Variants in GRM7 observed in about 807,000 individuals in gnomAD.
GRM7 encodes glutamate metabotropic receptor 7, also known as metabotropic glutamate receptor 7.
GRM7 carries 35 observed loss-of-function variants against 84.5 expected under a neutral mutation model. The ratio of observed to expected loss-of-function variants is 0.41; its 90% CI spans 0.32 to 0.55. The LOEUF (loss-of-function observed/expected upper bound fraction) is 0.55. Ranked by LOEUF, GRM7 falls within the 20% of genes least tolerant of loss-of-function variation. The pLI, the probability that GRM7 is intolerant of heterozygous loss-of-function variation, is 0.19. For missense variants in GRM7, 1,003 were observed against 1,194.6 expected, an observed-to-expected ratio of 0.84 and a Z score of 2.36; for synonymous variants, 487 against 455.1, an observed-to-expected ratio of 1.07 and a Z score of -0.89.
At chr3:7,148,187 A>G (rs548978439) in intron 2 of GRM7, among the ~76,000 whole-genome samples, 20 of 152,178 alleles carry the variant, frequency 1.3e-4, no homozygotes, top group Non-Finnish European at 2.4e-4. Context: ...GTATCTAATC[A>G]TTTTTGATGA....
intron 5 of GRM7, among the ~76,000 whole-genome samples, chr3:7,423,271 G>A (rs1483067710): frequency 6.6e-6 from 1 of 152,172 alleles, no homozygotes; most frequent in Admixed American, 6.6e-5. Flanking sequence ...TTCAGGCAAA[G>A]CTCTTTCCAT....
At chr3:7,175,442 T>C (rs1695113990) in intron 2 of GRM7, among the ~76,000 whole-genome samples, 2 of 152,274 alleles carry the variant, frequency 1.3e-5, no homozygotes, top group Admixed American at 6.5e-5. Flanking sequence ...GAGATTATTG[T>C]GTCACTTCTT....
rs142239154 is a variant in GRM7 at position 7,714,271 on chromosome 3, C to T, written c.2699-26086C>T. On this transcript the variant is annotated intron_variant, in intron 9 of 9. Transcript: ENST00000357716. ...CTAGTAAAGAGTAGGACAACTGAGG[C>T]AACTCTTTCCATATCTCAAAACAAA... is the stretch of plus-strand genomic sequence containing the variant. Among the ~76,000 whole-genome samples the T allele has an allele frequency of 3.7e-4, 57 of 152,146 alleles. No homozygotes were observed. The East Asian group carries it at 0.011, about 29-fold the overall frequency.
intron 3 of GRM7, among the ~76,000 whole-genome samples, chr3:7,304,308 C>CTTTTTTTTTTT: frequency 1.0e-5 from 1 of 98,042 alleles, no homozygotes; most frequent in Non-Finnish European, 2.1e-5. Context: ...ATCATCCATC[C>CTTTTTTTTTTT]TTTTTTTTTT....
intron 1 of GRM7, among the ~76,000 whole-genome samples, chr3:6,875,343 T>C (rs562771333): frequency 1.3e-5 from 2 of 152,210 alleles, no homozygotes; most frequent in African/African-American, 4.8e-5. Flanking sequence ...ATAATCCCCA[T>C]GTGCTGAGGG....
At chr3:7,057,209 GC>G (rs763204687) in intron 1 of GRM7, among the ~76,000 whole-genome samples, 6 of 151,830 alleles carry the variant, frequency 4.0e-5, no homozygotes, top group Non-Finnish European at 8.8e-5. Context: ...TTGTTTCTGT[GC>G]AAATAAAGGT....
chr3:7,138,221 C>G (rs1282564293), intron 1 of GRM7, among the ~76,000 whole-genome samples: 1 of 151,778 alleles, frequency 6.6e-6, no homozygotes, highest in Non-Finnish European at 1.5e-5. Flanking sequence ...TTAAGTAGAT[C>G]CTAGATGCAT....
chr3:7,043,822 A>G (rs1378305598), intron 1 of GRM7, among the ~76,000 whole-genome samples: 4 of 152,148 alleles, frequency 2.6e-5, no homozygotes, highest in African/African-American at 9.7e-5. Flanking sequence ...TCAGAATTCA[A>G]ATACAAGCCT....
intron 7 of GRM7, among the ~76,000 whole-genome samples, chr3:7,473,877 CTT>C (rs569341826): frequency 6.9e-4 from 105 of 152,270 alleles, no homozygotes; most frequent in African/African-American, 2.5e-3. Context: ...TTATTTGTAA[CTT>C]TATCTTCTTG....
intron 1 of GRM7, among the ~76,000 whole-genome samples, chr3:7,064,475 T>C (rs370259937): frequency 3.2e-5 from 3 of 94,130 alleles, no homozygotes; most frequent in Middle Eastern, 5.5e-3. Context: ...TATATATATA[T>C]ATATACACAC....
At chr3:7,273,931 T>C (rs1698958936) in intron 2 of GRM7, among the ~76,000 whole-genome samples, 1 of 152,066 alleles carries the variant, frequency 6.6e-6, no homozygotes, top group Non-Finnish European at 1.5e-5. Flanking sequence ...TGCCCTTGTT[T>C]TTTATTCCTA....
chr3:6,975,060 C>G (rs1417248405), intron 1 of GRM7, among the ~76,000 whole-genome samples: 2 of 151,976 alleles, frequency 1.3e-5, no homozygotes, highest in Non-Finnish European at 2.9e-5. Context: ...ATAGAATACA[C>G]AGAGAAGGGT....
chr3:6,960,918 A>G (rs1361252893), intron 1 of GRM7, among the ~76,000 whole-genome samples: 2 of 152,216 alleles, frequency 1.3e-5, no homozygotes, highest in African/African-American at 4.8e-5. Flanking sequence ...AACAAAATGT[A>G]CTATCCTGGT....
At chr3:7,026,622 T>A (rs1044983024) in intron 1 of GRM7, among the ~76,000 whole-genome samples, 2 of 152,138 alleles carry the variant, frequency 1.3e-5, no homozygotes, top group African/African-American at 4.8e-5. Context: ...AGGGGAAAAA[T>A]GCTCAATTAT....
intron 1 of GRM7, among the ~76,000 whole-genome samples, chr3:7,039,984 A>G (rs1472161784): frequency 1.3e-5 from 2 of 152,158 alleles, no homozygotes; most frequent in African/African-American, 2.4e-5. Context: ...GGCACCTAGC[A>G]ATTGCTTGGC....
At chr3:6,964,432 G>C (rs1233491913) in intron 1 of GRM7, among the ~76,000 whole-genome samples, 2 of 152,124 alleles carry the variant, frequency 1.3e-5, no homozygotes, top group Non-Finnish European at 2.9e-5. Flanking sequence ...CATTGTGTAA[G>C]GACTTAAACA....
chr3:6,874,126 TG>T (rs1695221537), intron 1 of GRM7, among the ~76,000 whole-genome samples: 2 of 152,198 alleles, frequency 1.3e-5, no homozygotes, highest in African/African-American at 4.8e-5. Context: ...AATATTAGGA[TG>T]TACTGCATAC....
At chr3:7,667,300 A>T (rs1699744170) in intron 8 of GRM7, among the ~76,000 whole-genome samples, 1 of 151,520 alleles carries the variant, frequency 6.6e-6, no homozygotes, top group Non-Finnish European at 1.5e-5. Context: ...GAGAGAGAGA[A>T]AAGATAAGCA....
At chr3:7,046,548 G>A (rs1211392853) in intron 1 of GRM7, among the ~76,000 whole-genome samples, 10 of 152,098 alleles carry the variant, frequency 6.6e-5, no homozygotes, top group Admixed American at 4.6e-4. Flanking sequence ...ACAGCCAGTT[G>A]TGTTGTATTT....
Sources: allele counts gnomAD v4.1 joint callset (sites outside exome capture counted in the v4.1 genomes callset), GRCh38; gene constraint gnomAD v4.1.1; transcripts MANE v1.5; gene names NCBI Gene and HGNC (gene_info 2026-07-23, HGNC 2026-07-21).